The following BMP5 variants were observed in gnomAD, a reference collection of about 807,000 sequenced individuals.
BMP5 encodes bone morphogenetic protein 5.
BMP5 carries 23 observed loss-of-function variants against 46.6 expected under a neutral mutation model. The ratio of observed to expected loss-of-function variants is 0.49; its 90% CI spans 0.35 to 0.70. The LOEUF is 0.70. Ranked by LOEUF, BMP5 falls within the 30% of genes least tolerant of loss-of-function variation. The pLI is 0.00. For missense variants in BMP5, 545 were observed against 565.6 expected (o/e 0.96, Z 0.37); for synonymous variants, 204 against 191.9 (o/e 1.06, Z -0.52).
chr6:55,819,165 T>C (rs1776349605), intron 2 of BMP5, among the ~76,000 whole-genome samples: 2 of 152,262 alleles, frequency 1.3e-5, no homozygotes. Context: ...TTTCAGACTA[T>C]CTGTCCATTT....
chr6:55,810,096 T>G (rs530969310), intron 2 of BMP5, among the ~76,000 whole-genome samples: 1 of 152,290 alleles, frequency 6.6e-6, no homozygotes, highest in South Asian at 2.1e-4. Flanking sequence ...GTTCAAAGTT[T>G]CCCTCATCAG....
intron 1 of BMP5, among the ~76,000 whole-genome samples, chr6:55,829,569 T>C (rs1776615099): frequency 6.6e-6 from 1 of 151,888 alleles, no homozygotes; most frequent in East Asian, 1.9e-4. Context: ...AGAATCCTAA[T>C]GTCACACATT....
At chr6:55,795,641 T>A (rs374511131) in intron 2 of BMP5, among the ~76,000 whole-genome samples, 88 of 152,226 alleles carry the variant, frequency 5.8e-4, no homozygotes, top group African/African-American at 2.1e-3. Flanking sequence ...AGTTAAAAAA[T>A]GTGTATCTTA....
chr6:55,842,796 T>A (rs1344573299), intron 1 of BMP5, among the ~76,000 whole-genome samples: 3 of 152,148 alleles, frequency 2.0e-5, no homozygotes, highest in African/African-American at 7.2e-5. Flanking sequence ...GAATTATTTG[T>A]TTTGTTGTGT....
At position 55,755,466 on chromosome 6, in the gene BMP5, G is replaced by T; in HGVS notation, c.*67C>A. On this transcript the variant is annotated 3_prime_UTR_variant, in exon 7 of 7. Transcript: ENST00000370830. ...TAGGAAATTCCCCGTTTGTCTGAAA[G>T]TATGCTTTTTATTGCAGCCATAAAC... 2 of 1,482,874 alleles carry T rather than the reference G, an allele frequency of 1.3e-6. No individual in the cohort carries two copies. The highest frequency in any genetic ancestry group is 1.9e-6 in the Non-Finnish European group (2 of 1,075,094). The allele number at this position is 1,482,874 out of a possible 1,614,324, so 91.9% of individuals were successfully genotyped here. A position where few individuals can be genotyped will look rare whatever the true frequency, so the allele number is the denominator to read the frequency against.
At chr6:55,813,997 T>G (rs1348359701) in intron 2 of BMP5, among the ~76,000 whole-genome samples, 1 of 152,168 alleles carries the variant, frequency 6.6e-6, no homozygotes, top group Non-Finnish European at 1.5e-5. Flanking sequence ...CATCCCACAC[T>G]ACCCTTTCCC....
intron 4 of BMP5, among the ~76,000 whole-genome samples, chr6:55,761,783 C>T (rs1337122751): frequency 6.6e-6 from 1 of 152,032 alleles, no homozygotes; most frequent in Non-Finnish European, 1.5e-5. Flanking sequence ...TATGTCATTT[C>T]CTCATTTATT....
At position 55,774,204 on chromosome 6, in the gene BMP5, C is replaced by G. The variant is rs754562107; in HGVS notation, c.872G>C (p.Arg291Thr). ...INVKSAGLVG[R>T]QGPQSKQPFM... is the part of the protein sequence containing the mutation. ...TGGTTGTTTTGACTGAGGTCCCTGTCTTCCCACAAGACCAGCAGATTTTAC... is the reference window on the plus strand; with the variant it reads ...TGGTTGTTTTGACTGAGGTCCCTGTGTTCCCACAAGACCAGCAGATTTTAC... Residue 291 changes from arginine (R) to threonine (T), a missense_variant, in exon 4 of 7, where the codon AGA (arginine) becomes ACA (threonine). Arg to Thr is a moderately conservative substitution (Grantham distance 71). Coordinates refer to ENST00000370830, the MANE Select transcript of BMP5 (RefSeq NM_021073.4). 2 of 1,613,022 alleles carry G rather than the reference C, an allele frequency of 1.2e-6. No homozygotes were observed. The highest frequency in any genetic ancestry group is 1.7e-6 in the Non-Finnish European group (2 of 1,179,402).
At chr6:55,765,988 C>T (rs1033053154) in intron 4 of BMP5, among the ~76,000 whole-genome samples, 1 of 152,144 alleles carries the variant, frequency 6.6e-6, no homozygotes, top group Non-Finnish European at 1.5e-5. Context: ...TGACCTCACA[C>T]TCAATGTTCA....
intron 2 of BMP5, among the ~76,000 whole-genome samples, chr6:55,818,712 C>A (rs955502541): frequency 6.6e-6 from 1 of 151,934 alleles, no homozygotes; most frequent in African/African-American, 2.4e-5. Context: ...ACTGGAAGAC[C>A]AAGACAAATC....
chr6:55,820,576 C>A (rs546165059), intron 1 of BMP5, among the ~76,000 whole-genome samples: 9 of 151,968 alleles, frequency 5.9e-5, no homozygotes, highest in African/African-American at 2.2e-4. Flanking sequence ...CACCACCACA[C>A]CCAGCCAATT....
At chr6:55,776,328 C>T (rs1248229385) in intron 3 of BMP5, among the ~76,000 whole-genome samples, 1 of 151,764 alleles carries the variant, frequency 6.6e-6, no homozygotes, top group Admixed American at 6.6e-5. Context: ...TTAGAAGTTC[C>T]AGCCAAATAC....
chr6:55,816,026 T>C (rs772789467), intron 2 of BMP5, among the ~76,000 whole-genome samples: 45 of 151,998 alleles, frequency 3.0e-4, no homozygotes, highest in Admixed American at 1.3e-4. Context: ...CAATGTAAAA[T>C]TCTGCAATTA....
At chr6:55,845,043 A>G (rs1777062721) in intron 1 of BMP5, among the ~76,000 whole-genome samples, 1 of 152,010 alleles carries the variant, frequency 6.6e-6, no homozygotes, top group Non-Finnish European at 1.5e-5. Flanking sequence ...CACATGAAAA[A>G]CCATAAACAA....
At chr6:55,797,609 C>CTTTTTT (rs1317753532) in intron 2 of BMP5, among the ~76,000 whole-genome samples, 2 of 134,542 alleles carry the variant, frequency 1.5e-5, no homozygotes, top group African/African-American at 5.7e-5. Flanking sequence ...TGATTATTTT[C>CTTTTTT]TTTTCTTTTT....
At chr6:55,815,990 G>T (rs1776253477) in intron 2 of BMP5, among the ~76,000 whole-genome samples, 1 of 151,940 alleles carries the variant, frequency 6.6e-6, no homozygotes, top group Non-Finnish European at 1.5e-5. Flanking sequence ...TGGGCATACA[G>T]AAAAGATAGG....
chr6:55,842,898 C>A (rs751016038), intron 1 of BMP5, among the ~76,000 whole-genome samples: 1 of 152,044 alleles, frequency 6.6e-6, no homozygotes, highest in Non-Finnish European at 1.5e-5. Flanking sequence ...AATATTTCAG[C>A]TAAAATTACA....
intron 4 of BMP5, among the ~76,000 whole-genome samples, chr6:55,765,691 A>G (rs1029306927): frequency 6.6e-6 from 1 of 152,176 alleles, no homozygotes; most frequent in Non-Finnish European, 1.5e-5. Context: ...CCAGTGAATT[A>G]TTCACTTGCA....
chr6:55,777,308 T>G (rs1002724393), intron 3 of BMP5, among the ~76,000 whole-genome samples: 2 of 151,990 alleles, frequency 1.3e-5, no homozygotes, highest in African/African-American at 2.4e-5. Context: ...TTATTTGAAC[T>G]TTTTAAATGA....
Sources: gnomAD v4.1 joint callset for allele counts (sites outside exome capture counted in the v4.1 genomes callset) on GRCh38, gnomAD v4.1.1 for gene constraint, MANE v1.5 for transcripts, NCBI Gene and HGNC (gene_info 2026-07-23, HGNC 2026-07-21) for gene names.